Variants in ZNF841 observed in about 807,000 individuals in gnomAD.
The protein encoded by ZNF841 is zinc finger protein 841, also known as TCONS_00006091.
A neutral mutation model predicts 13.0 loss-of-function variants in ZNF841; 11 were observed. That is an observed-to-expected ratio of 0.85 (90% confidence interval 0.53 to 1.40). The LOEUF (loss-of-function observed/expected upper bound fraction) is 1.40, where lower values mean the gene tolerates loss of function less well. ZNF841 is among the 40% of genes most tolerant of loss of function. The probability of loss-of-function intolerance (pLI) is 0.00; values close to 1 mark genes in which losing one functional copy is unlikely to be tolerated. For synonymous variants in ZNF841, 369 were observed against 381.6 expected (o/e 0.97, Z 0.38); for missense variants, 1,068 against 1,139.5 (o/e 0.94, Z 0.90).
In ZNF841 at chr19:52,066,190, A is replaced by C. The variant is rs567838900; in HGVS notation, c.1692T>G (p.Thr564=). The change falls in exon 7 of 7, where the codon ACT becomes ACG. Residue 564 remains threonine, a synonymous_variant. Transcript: ENST00000594440. ...TATTACAATGGAGAGGTTTCTCTCC[A>C]GTATGACATCTCATATGAACCGAAA... ...GYLSVHMRCH[T]GEKPLHCNKC... The C allele has an allele frequency of 1.7e-5, 27 of 1,613,740 alleles. No homozygotes were observed. Among genetic ancestry groups the C allele is most frequent in the Admixed American group, 1.3e-4 (8 of 59,982 alleles).
chr19:52,066,565 A>C lies in ZNF841; in HGVS notation c.1317T>G (p.Tyr439Ter). 1 of 1,613,642 alleles carries C rather than the reference A, an allele frequency of 6.2e-7. No individual in the cohort carries two copies. The highest frequency in any genetic ancestry group is 1.1e-5 in the South Asian group (1 of 91,038). Residue 439 changes from tyrosine (Y) to a stop codon, truncating the protein, a stop_gained, in exon 7 of 7, where the codon TAT (tyrosine) becomes TAG (stop). Coordinates refer to ENST00000594440, the MANE Select transcript of ZNF841 (RefSeq NM_001136499.2). LOFTEE classifies it low-confidence loss of function (END_TRUNC). ...YTCDVCGKVF[Y>*]QNSQLVRHQI... ...GGTGCCTTACAAGTTGTGAATTCTGATAAAAGACCTTGCCACATACATCAC... is the reference window on the plus strand; with the variant it reads ...GGTGCCTTACAAGTTGTGAATTCTGCTAAAAGACCTTGCCACATACATCAC...
chr19:52,093,671 T>G (rs189798044), intron 2 of ZNF841, among the ~76,000 whole-genome samples, 175 bp downstream of exon 2: 56 of 152,314 alleles, frequency 3.7e-4, no homozygotes, highest in Non-Finnish European at 5.0e-4. Flanking sequence ...ATCAGCTGAT[T>G]ATTGGATGCC....
rs1011131069 is a variant in ZNF841 at position 52,074,636 on chromosome 19, C to T, written c.271+1408G>A. Among the ~76,000 whole-genome samples the T allele has an allele frequency of 9.2e-4, 140 of 152,136 alleles. 2 individuals are homozygous for T. Among genetic ancestry groups the T allele is most frequent in the Admixed American group, 9.1e-3 (139 of 15,276 alleles). On this transcript the variant is annotated intron_variant, in intron 6 of 6. Coordinates refer to ENST00000594440, the MANE Select transcript of ZNF841 (RefSeq NM_001136499.2). Reference sequence around the variant, plus strand: ...GATTTGAGAGATTCTCCTGCCTCAGCCCCCCGAGTAGCTGGGATTACAGGT... The same window carrying T: ...GATTTGAGAGATTCTCCTGCCTCAGTCCCCCGAGTAGCTGGGATTACAGGT...
downstream of ZNF841, among the ~76,000 whole-genome samples, chr19:52,062,539 T>C (rs2087421827): frequency 6.6e-6 from 1 of 152,096 alleles, no homozygotes; most frequent in Non-Finnish European, 1.5e-5. Flanking sequence ...GAACCACACC[T>C]AATGAAGCAG....
intron 3 of ZNF841, among the ~76,000 whole-genome samples, chr19:52,086,681 A>T (rs182933905): frequency 7.2e-5 from 11 of 152,266 alleles, no homozygotes; most frequent in East Asian, 3.8e-4. Flanking sequence ...GCCATGAGTC[A>T]TTCCCACATT....
rs2087583765 is a variant in ZNF841 at position 52,066,782 on chromosome 19, T to C, written c.1100A>G (p.His367Arg). 1 of 1,614,046 alleles carries C rather than the reference T, an allele frequency of 6.2e-7. No homozygotes were observed. Among genetic ancestry groups the C allele is most frequent in the Non-Finnish European group, 8.5e-7 (1 of 1,179,952 alleles). The part of the protein sequence containing the change: ...SSHLAVHQRI[H>R]TGEKPYKCNR... ...ACATTTGTAAGGTTTCTCTCCAGTA[T>C]GAATTCTCTGATGAACTGCAAGGTG... is the stretch of plus-strand genomic sequence containing the variant. Residue 367 changes from histidine to arginine, a missense_variant, in exon 7 of 7, where the codon CAT becomes CGT. Transcript: ENST00000594440.
downstream of ZNF841, among the ~76,000 whole-genome samples, chr19:52,064,270 C>A (rs568102445): frequency 1.2e-4 from 17 of 144,588 alleles, no homozygotes; most frequent in South Asian, 3.8e-3. Flanking sequence ...GGCGTGAACC[C>A]AGGAAGCAGA....
Position 52,064,852 on chromosome 19 carries a change from T to C in ZNF841, c.*255A>G, listed in dbSNP as rs2087488871. 1 of 270,348 alleles carries C rather than the reference T, an allele frequency of 3.7e-6. No individual in the cohort carries two copies. The highest frequency in any genetic ancestry group is 6.9e-6 in the Non-Finnish European group (1 of 143,986). The allele number at this position is 270,348 out of a possible 1,614,324, so 16.7% of individuals were successfully genotyped here. A position where few individuals can be genotyped will look rare whatever the true frequency, so the allele number is the denominator to read the frequency against. On this transcript the variant is annotated 3_prime_UTR_variant, in exon 7 of 7. Coordinates refer to ENST00000594440, the MANE Select transcript of ZNF841 (RefSeq NM_001136499.2). Reference sequence around the variant, plus strand: ...TTTCACCATGTTGGCCAGGCTGCTCTTGAACTCCTGACCTCAAGTGATCCG... The same window carrying C: ...TTTCACCATGTTGGCCAGGCTGCTCCTGAACTCCTGACCTCAAGTGATCCG...
chr19:52,066,193 A>T lies in ZNF841; in HGVS notation c.1689T>A (p.His563Gln), dbSNP rs1278063909. ...GGYLSVHMRC[H>Q]TGEKPLHCNK... ...TACAATGGAGAGGTTTCTCTCCAGT[A>T]TGACATCTCATATGAACCGAAAGGT... The change falls in exon 7 of 7, where the codon CAT (histidine) becomes CAA (glutamine). Residue 563 changes from histidine (H) to glutamine (Q), a missense_variant. By Grantham distance (24) the His-to-Gln change is conservative (BLOSUM62 0). Transcript: ENST00000594440. The T allele has an allele frequency of 3.7e-6, 6 of 1,613,952 alleles. No individual in the cohort carries two copies. Among genetic ancestry groups the T allele is most frequent in the Non-Finnish European group, 5.1e-6 (6 of 1,179,882 alleles).
chr19:52,072,837 A>C (rs2087779186), intron 6 of ZNF841, among the ~76,000 whole-genome samples: 1 of 152,188 alleles, frequency 6.6e-6, no homozygotes, highest in African/African-American at 2.4e-5. Context: ...AAAAACAAAC[A>C]AACAAGGACC....
intron 2 of ZNF841, among the ~76,000 whole-genome samples, chr19:52,090,147 AAAAG>A (rs2088422213): frequency 6.6e-6 from 1 of 152,228 alleles, no homozygotes. Flanking sequence ...AATATCTGAA[AAAAG>A]AAATAAAGAA....
intron 6 of ZNF841, 139 bp downstream of exon 6, chr19:52,075,905 A>C: frequency 2.4e-6 from 3 of 1,237,072 alleles, no homozygotes; most frequent in Non-Finnish European, 3.3e-6. Flanking sequence ...CTGGAAAGCA[A>C]AGTGATAAGC....
chr19:52,059,002 G>C, the ZNF841 span: 1 of 153,406 alleles, frequency 6.5e-6, no homozygotes, highest in African/African-American at 2.4e-5. Flanking sequence ...GTACTTCAGT[G>C]AAAAACTTGG....
intron 6 of ZNF841, 88 bp downstream of exon 6, chr19:52,075,956 T>C: frequency 1.4e-6 from 2 of 1,465,890 alleles, no homozygotes; most frequent in Non-Finnish European, 1.8e-6. Context: ...AAAATCAAAT[T>C]TGTTTCCCCA....
the ZNF841 span, chr19:52,058,849 A>ATTTAT: frequency 1.3e-5 from 2 of 152,292 alleles, no homozygotes; most frequent in African/African-American, 4.8e-5. Flanking sequence ...TTATTTATTT[A>ATTTAT]TTATTTATTT....
In ZNF841 at chr19:52,066,086, C is replaced by T. The variant is rs974543115; in HGVS notation, c.1796G>A (p.Cys599Tyr). The change falls in exon 7 of 7, where the codon TGT becomes TAT. Residue 599 changes from cysteine (C) to tyrosine (Y), a missense_variant. Physicochemically the swap from Cys to Tyr is radical, Grantham distance 194. Coordinates refer to ENST00000594440, the MANE Select transcript of ZNF841 (RefSeq NM_001136499.2). ...AATGAAGACCTTGCCACACACATTA[C>T]ATTTGTAAGGTTTCTCTCCGGTATG... Reference protein sequence around the residue: ...RMHTGEKPYKCNVCGKVFIDS... With the variant: ...RMHTGEKPYKYNVCGKVFIDS... 1 of 1,614,166 alleles carries T rather than the reference C, an allele frequency of 6.2e-7. No homozygotes were observed. The highest frequency in any genetic ancestry group is 1.1e-5 in the South Asian group (1 of 91,090).
At chr19:52,060,026 T>C (rs140494107), downstream of ZNF841, among the ~76,000 whole-genome samples, 84 of 152,344 alleles carry the variant, frequency 5.5e-4, no homozygotes, top group African/African-American at 1.9e-3. Context: ...AAACCTCTAG[T>C]AGTCATTTGG....
the ZNF841 span, among the ~76,000 whole-genome samples, chr19:52,059,348 T>TAAAAAAA: frequency 4.2e-3 from 193 of 45,872 alleles, 1 homozygote; most frequent in African/African-American, 6.8e-3. Flanking sequence ...AGACTCTGTC[T>TAAAAAAA]AAAAAAAAAA....
chr19:52,058,590 A>G, the ZNF841 span: 5 of 152,326 alleles, frequency 3.3e-5, no homozygotes, highest in Non-Finnish European at 7.4e-5. Context: ...AACCTTATAC[A>G]TGTCCTTTCT....
Sources: allele counts gnomAD v4.1 joint callset (sites outside exome capture counted in the v4.1 genomes callset), GRCh38; gene constraint gnomAD v4.1.1; transcripts MANE v1.5; gene names NCBI Gene and HGNC (gene_info 2026-07-23, HGNC 2026-07-21).